The following NTRK2 variants were observed in gnomAD, a reference collection of about 807,000 sequenced individuals.
The protein encoded by NTRK2 is BDNF/NT-3 growth factors receptor.
A neutral mutation model predicts 94.5 loss-of-function variants in NTRK2; 13 were observed. The observed-to-expected ratio is 0.14, with a 90% CI of 0.09 to 0.22. NTRK2 has a LOEUF of 0.22. NTRK2 is among the 10% of genes least tolerant of loss of function. The pLI, the probability that NTRK2 is intolerant of heterozygous loss-of-function variation, is 1.00. For missense variants in NTRK2, 639 were observed against 1,071.2 expected (o/e 0.60, Z 5.63); for synonymous variants, 372 against 407.4 (o/e 0.91, Z 1.05).
chr9:84,872,139 G>A (rs866768628), intron 14 of NTRK2: 35 of 1,263,466 alleles, frequency 2.8e-5, no homozygotes, highest in South Asian at 7.5e-5. Flanking sequence ...CAACTAGCTC[G>A]TTTAGACGTG....
intron 12 of NTRK2, chr9:84,812,312 T>C (rs1171015350): frequency 4.7e-6 from 5 of 1,057,594 alleles, no homozygotes; most frequent in Admixed American, 1.1e-4. Flanking sequence ...CAGAATCCTA[T>C]GGATTGCAGC....
chr9:84,944,211 T>TCACACACACACACACACACA (rs1226529948), intron 15 of NTRK2, among the ~76,000 whole-genome samples: 1 of 138,940 alleles, frequency 7.2e-6, no homozygotes, highest in African/African-American at 2.9e-5. Context: ...TCTCTCTCTC[T>TCACACACACACACACACACA]CTCTCACACA....
chr9:84,977,139 A>G (rs887263432), intron 17 of NTRK2, among the ~76,000 whole-genome samples: 3 of 152,382 alleles, frequency 2.0e-5, no homozygotes, highest in East Asian at 1.9e-4. Context: ...TAGCTGATCA[A>G]TACATAACCT....
intron 12 of NTRK2, chr9:84,813,204 A>G (rs1016955506): frequency 9.5e-7 from 1 of 1,049,488 alleles, no homozygotes; most frequent in African/African-American, 1.7e-5. Flanking sequence ...AATGAACAGA[A>G]TGATCTGTGT....
At chr9:84,674,362 T>A (rs1033179551) in intron 2 of NTRK2, among the ~76,000 whole-genome samples, 1 of 152,238 alleles carries the variant, frequency 6.6e-6, no homozygotes. Flanking sequence ...TATGACAGAC[T>A]CTATGTGCAA....
intron 14 of NTRK2, among the ~76,000 whole-genome samples, chr9:84,924,392 A>T (rs2077686389): frequency 6.6e-6 from 1 of 152,230 alleles, no homozygotes; most frequent in African/African-American, 2.4e-5. Context: ...TTTAGGGCAC[A>T]GGGACACAGA....
At chr9:84,877,003 C>T in intron 14 of NTRK2, 1 of 1,061,566 alleles carries the variant, frequency 9.4e-7, no homozygotes, top group East Asian at 5.1e-5. Flanking sequence ...ATTGGTGATA[C>T]ATAGCTATGC....
intron 11 of NTRK2, among the ~76,000 whole-genome samples, chr9:84,745,287 GT>G (rs2063970883): frequency 6.6e-6 from 1 of 152,144 alleles, no homozygotes; most frequent in Admixed American, 6.5e-5. Context: ...ACCACTTTTG[GT>G]TGTTAGTGGT....
In NTRK2 at chr9:84,950,403, A is replaced by G. The variant is rs1588024169; in HGVS notation, c.1937+1769A>G. On this transcript the variant is annotated intron_variant, in intron 16 of 18. Transcript: ENST00000277120. ...TGCTTTGGCTTCTGTGGAAGTGGCA[A>G]ATACATTATCATGAACCTAAAGAGT... Among the ~76,000 whole-genome samples, 5 of 152,134 alleles carry G rather than the reference A, an allele frequency of 3.3e-5. No homozygotes were observed. In the South Asian group the frequency reaches 1.0e-3, roughly 31 times the overall value.
chr9:84,787,996 T>C (rs1000335436), intron 12 of NTRK2, among the ~76,000 whole-genome samples: 2 of 152,342 alleles, frequency 1.3e-5, no homozygotes, highest in African/African-American at 4.8e-5. Flanking sequence ...ATGCTACTTA[T>C]AAGGCTATTA....
chr9:84,949,601 G>A (rs2078711910), intron 16 of NTRK2, among the ~76,000 whole-genome samples: 1 of 152,172 alleles, frequency 6.6e-6, no homozygotes, highest in Non-Finnish European at 1.5e-5. Flanking sequence ...CCACGTAGCT[G>A]GGATAACAGG....
intron 4 of NTRK2, among the ~76,000 whole-genome samples, chr9:84,703,833 TCTGCACAAATCTTTGC>T (rs2060879076): frequency 6.6e-6 from 1 of 152,230 alleles, no homozygotes; most frequent in East Asian, 1.9e-4. Context: ...ATTTTTGCAG[TCTGCACAAATCTTTGC>T]CTGCACAAAT....
intron 14 of NTRK2, among the ~76,000 whole-genome samples, chr9:84,925,772 C>T (rs2132629778): frequency 6.6e-6 from 1 of 152,352 alleles, no homozygotes; most frequent in East Asian, 1.9e-4. Context: ...TATGCCCTCA[C>T]TGGCTTCCTT....
chr9:84,807,288 T>C (rs576475981), intron 12 of NTRK2, among the ~76,000 whole-genome samples: 1 of 152,350 alleles, frequency 6.6e-6, no homozygotes, highest in East Asian at 1.9e-4. Flanking sequence ...AGCACTTCGC[T>C]GACCTTCAAC....
chr9:84,884,393 A>AT (rs1156294401), intron 14 of NTRK2, among the ~76,000 whole-genome samples: 1 of 152,224 alleles, frequency 6.6e-6, no homozygotes, highest in Non-Finnish European at 1.5e-5. Context: ...AATTTTACAA[A>AT]TATCAATTTT....
intron 17 of NTRK2, among the ~76,000 whole-genome samples, chr9:84,961,312 A>G (rs79523409): frequency 9.8e-5 from 15 of 152,322 alleles, no homozygotes; most frequent in Admixed American, 2.6e-4. Context: ...TAGCTTTCAC[A>G]TGAACAATTA....
intron 17 of NTRK2, among the ~76,000 whole-genome samples, chr9:84,980,441 A>G (rs1827444877): frequency 6.6e-6 from 1 of 152,210 alleles, no homozygotes; most frequent in Non-Finnish European, 1.5e-5. Flanking sequence ...GAGCAATATT[A>G]TATTGTCATC....
intron 4 of NTRK2, among the ~76,000 whole-genome samples, chr9:84,705,970 A>G (rs1381756651): frequency 1.3e-5 from 2 of 151,702 alleles, no homozygotes; most frequent in African/African-American, 4.8e-5. Context: ...TTGTGTTTTT[A>G]GTAGAGACGG....
At chr9:84,948,428 G>T in intron 15 of NTRK2, 34 bp from the exon 16 acceptor site, 1 of 1,609,726 alleles carries the variant, frequency 6.2e-7, no homozygotes, top group South Asian at 1.1e-5. Context: ...AGGGCCCACT[G>T]AAGTAATCCT....
Sources: gnomAD v4.1 joint callset for allele counts (sites outside exome capture counted in the v4.1 genomes callset) on GRCh38, gnomAD v4.1.1 for gene constraint, MANE v1.5 for transcripts, NCBI Gene and HGNC (gene_info 2026-07-23, HGNC 2026-07-21) for gene names.